MYO3A: variants seen among roughly 807,000 people sequenced by gnomAD.
The protein encoded by MYO3A is myosin-IIIa.
A neutral mutation model predicts 192.7 loss-of-function variants in MYO3A; 180 were observed. That is an observed-to-expected ratio of 0.93 (90% CI 0.83 to 1.06). The LOEUF (loss-of-function observed/expected upper bound fraction) is 1.06. MYO3A is among the 50% of genes least tolerant of loss of function. The pLI is 0.00. For synonymous variants in MYO3A, 628 were observed against 645.3 expected (o/e 0.97, Z 0.41); for missense variants, 1,896 against 1,905.0 (o/e 1.00, Z 0.09).
At chr10:26,211,803 G>A (rs1844228528) in intron 34 of MYO3A, 40 bp from the exon 35 acceptor site, 2 of 1,613,398 alleles carry the variant, frequency 1.2e-6, no homozygotes, top group Non-Finnish European at 1.7e-6. Flanking sequence ...GCTGCTCACT[G>A]TGGTGAGGTT....
At chr10:25,937,914 A>G (rs1381727440) in intron 2 of MYO3A, among the ~76,000 whole-genome samples, 2 of 152,206 alleles carry the variant, frequency 1.3e-5, no homozygotes, top group East Asian at 3.8e-4. Context: ...GCTGGAAAGA[A>G]TGTGTGTCCA....
At chr10:25,981,447 A>T (rs1839323584) in intron 4 of MYO3A, among the ~76,000 whole-genome samples, 1 of 152,228 alleles carries the variant, frequency 6.6e-6, no homozygotes, top group Admixed American at 6.5e-5. Context: ...ATTTGTTTTA[A>T]ATGATCAATT....
In MYO3A at chr10:26,039,207, A is replaced by ATTTTTTTTTTTTT. The variant is rs34416918; in HGVS notation, c.953+12687_953+12699dup. The stretch of plus-strand genomic sequence containing the variant: ...AGGCAGGCACCACCAGGCTCGGCTA[A>ATTTTTTTTTTTTT]TTTTTTTTTTTTTTTTTTTTTTTTG... On this transcript the variant is annotated intron_variant, in intron 10 of 34. Coordinates refer to ENST00000642920, the MANE Select transcript of MYO3A (RefSeq NM_017433.5). Among the ~76,000 whole-genome samples, 172 of 106,822 alleles carry ATTTTTTTTTTTTT rather than the reference A, an allele frequency of 1.6e-3. 1 individual carries two copies. The highest frequency in any genetic ancestry group is 6.0e-3 in the Middle Eastern group (1 of 166). 70.1% of individuals were successfully genotyped at this position (106,822 alleles called of 152,430 possible).
chr10:26,190,081 TAAAAG>T (rs1265527913), intron 31 of MYO3A, among the ~76,000 whole-genome samples: 3 of 151,148 alleles, frequency 2.0e-5, no homozygotes, highest in African/African-American at 4.9e-5. Flanking sequence ...AAAATAAAAA[TAAAAG>T]GAAAAAGAAA....
chr10:25,979,832 G>C (rs1355323965), intron 4 of MYO3A, among the ~76,000 whole-genome samples: 1 of 152,086 alleles, frequency 6.6e-6, no homozygotes, highest in Non-Finnish European at 1.5e-5. Context: ...CAGCATTCCT[G>C]GCCTCTAGAT....
chr10:26,188,869 C>G (rs998851109), intron 31 of MYO3A, among the ~76,000 whole-genome samples: 5 of 152,118 alleles, frequency 3.3e-5, no homozygotes, highest in Non-Finnish European at 7.4e-5. Context: ...GTATCAGTAC[C>G]ATGCTGTTTT....
At chr10:26,007,629 A>G (rs2130977382) in intron 6 of MYO3A, among the ~76,000 whole-genome samples, 1 of 152,192 alleles carries the variant, frequency 6.6e-6, no homozygotes, top group Non-Finnish European at 1.5e-5. Context: ...ACTCCCATTC[A>G]CAGTTGCTTC....
intron 23 of MYO3A, among the ~76,000 whole-genome samples, chr10:26,148,149 C>T (rs1430288408): frequency 6.6e-6 from 1 of 152,152 alleles, no homozygotes; most frequent in Admixed American, 6.5e-5. Context: ...ACCTGTAAAA[C>T]TATCACCATG....
Position 26,127,756 on chromosome 10 carries a change from T to TA in MYO3A, c.2115-621dup, listed in dbSNP as rs35280151. On this transcript the variant is annotated intron_variant, in intron 19 of 34. Transcript: ENST00000642920. ...GAGGAGTAAACCTTTTGACCAATAGTAAAAAAAAAAAAAAGTATTTGAAAT... is the reference window on the plus strand; with the variant it reads ...GAGGAGTAAACCTTTTGACCAATAGTAAAAAAAAAAAAAAAGTATTTGAAAT... Among the ~76,000 whole-genome samples, 393 of 144,094 alleles carry TA rather than the reference T, an allele frequency of 2.7e-3. 1 individual carries two copies. Among genetic ancestry groups the TA allele is most frequent in the East Asian group, 0.014 (71 of 4,938 alleles). 94.5% of individuals were successfully genotyped at this position (144,094 alleles called of 152,430 possible). A position where few individuals can be genotyped will look rare whatever the true frequency, so the allele number is the denominator to read the frequency against.
intron 10 of MYO3A, among the ~76,000 whole-genome samples, chr10:26,047,887 C>CT (rs113078742): frequency 2.7e-4 from 40 of 149,690 alleles, no homozygotes; most frequent in South Asian, 6.4e-4. Flanking sequence ...AATTTGTATT[C>CT]TTTTTTTTTT....
chr10:26,030,550 C>A (rs1842758544), intron 10 of MYO3A, among the ~76,000 whole-genome samples: 1 of 152,158 alleles, frequency 6.6e-6, no homozygotes, highest in African/African-American at 2.4e-5. Context: ...ACTGGCAACA[C>A]ATTAAACAAA....
At chr10:25,993,578 T>C (rs2130877997) in intron 4 of MYO3A, among the ~76,000 whole-genome samples, 1 of 152,334 alleles carries the variant, frequency 6.6e-6, no homozygotes, top group East Asian at 1.9e-4. Context: ...TTGCTCTTGC[T>C]TCTCTAGTTC....
chr10:25,955,065 A>T, intron 4 of MYO3A, 57 bp downstream of exon 4: 1 of 1,576,406 alleles, frequency 6.3e-7, no homozygotes, highest in Non-Finnish European at 8.7e-7. Flanking sequence ...TTCTGAAATG[A>T]CTTGTTATAC....
At chr10:26,068,522 A>G (rs1184250790) in intron 11 of MYO3A, among the ~76,000 whole-genome samples, 1 of 152,160 alleles carries the variant, frequency 6.6e-6, no homozygotes. Context: ...CCTGTGACAC[A>G]TAATATGTCC....
intron 4 of MYO3A, among the ~76,000 whole-genome samples, chr10:25,995,218 C>CT (rs1259909085): frequency 6.6e-6 from 1 of 152,110 alleles, no homozygotes; most frequent in Non-Finnish European, 1.5e-5. Flanking sequence ...TCTTTTTATT[C>CT]TTTTTTCTCT....
chr10:26,198,944 T>G (rs1843546121), intron 32 of MYO3A, among the ~76,000 whole-genome samples: 1 of 152,194 alleles, frequency 6.6e-6, no homozygotes, highest in East Asian at 1.9e-4. Context: ...ACATTGTACA[T>G]CTTCGCAAAA....
intron 22 of MYO3A, among the ~76,000 whole-genome samples, chr10:26,146,124 C>G (rs1036602478): frequency 6.6e-6 from 1 of 152,144 alleles, no homozygotes; most frequent in African/African-American, 2.4e-5. Flanking sequence ...GAAGAAATGT[C>G]TCTACATTGA....
At chr10:26,118,444 G>C (rs1394236560) in intron 17 of MYO3A, among the ~76,000 whole-genome samples, 1 of 152,002 alleles carries the variant, frequency 6.6e-6, no homozygotes, top group Non-Finnish European at 1.5e-5. Flanking sequence ...ACCATTTACT[G>C]TTATATCCAA....
chr10:26,037,817 A>C (rs1260906803), intron 10 of MYO3A, among the ~76,000 whole-genome samples: 1 of 152,170 alleles, frequency 6.6e-6, no homozygotes, highest in Non-Finnish European at 1.5e-5. Flanking sequence ...CAGGAGTGAG[A>C]GAGTCAAGGG....
Sources: gnomAD v4.1 joint callset for allele counts (sites outside exome capture counted in the v4.1 genomes callset) on GRCh38, gnomAD v4.1.1 for gene constraint, MANE v1.5 for transcripts, NCBI Gene and HGNC (gene_info 2026-07-23, HGNC 2026-07-21) for gene names.